Variants in GPC6 observed in about 807,000 individuals in gnomAD.
The protein encoded by GPC6 is glypican 6.
In GPC6, 14 loss-of-function variants were observed where a neutral mutation model predicts 55.2. That is an observed-to-expected ratio of 0.25 (90% CI 0.17 to 0.40). The LOEUF is 0.40. Among genes scored for constraint, GPC6 ranks in the 10% least tolerant of loss-of-function variants. The pLI is 1.00. For missense variants in GPC6, 641 were observed against 708.5 expected (o/e 0.90, Z 1.08); for synonymous variants, 278 against 259.6 (o/e 1.07, Z -0.68).
At chr13:93,460,743 T>C (rs1878648334) in intron 1 of GPC6, among the ~76,000 whole-genome samples, 1 of 152,182 alleles carries the variant, frequency 6.6e-6, no homozygotes, top group Non-Finnish European at 1.5e-5. Flanking sequence ...AGTGGTTTTC[T>C]ATATTGATCA....
chr13:94,113,780 G>A (rs939751320), intron 4 of GPC6, among the ~76,000 whole-genome samples: 6 of 151,850 alleles, frequency 4.0e-5, no homozygotes, highest in African/African-American at 1.5e-4. Context: ...CAGCACTTTG[G>A]GAGCCTGAGG....
chr13:93,543,037 C>T (rs908262129), intron 1 of GPC6, among the ~76,000 whole-genome samples: 21 of 152,110 alleles, frequency 1.4e-4, no homozygotes, highest in Non-Finnish European at 2.4e-4. Context: ...GCCTGATCAC[C>T]GTGGCCAGAA....
Position 94,306,143 on chromosome 13 carries a change from T to C in GPC6, c.1152+20T>C. On this transcript the variant is annotated intron_variant, in intron 6 of 8. Coordinates refer to ENST00000377047, the MANE Select transcript of GPC6 (RefSeq NM_005708.5). ...CGGCTGGTGAGTATTCACAGATTGA[T>C]AACCATGGCGGATGCTTTGTTTTAC... 2 of 1,613,920 alleles carry C rather than the reference T, an allele frequency of 1.2e-6. No individual in the cohort carries two copies. Among genetic ancestry groups the C allele is most frequent in the East Asian group, 2.2e-5 (1 of 44,886 alleles).
At chr13:94,224,156 T>C (rs2139004823) in intron 4 of GPC6, among the ~76,000 whole-genome samples, 2 of 151,932 alleles carry the variant, frequency 1.3e-5, no homozygotes. Context: ...AACATGTGTG[T>C]TAGATAAGCT....
At chr13:94,271,583 C>T (rs932107401) in intron 4 of GPC6, among the ~76,000 whole-genome samples, 2 of 152,104 alleles carry the variant, frequency 1.3e-5, no homozygotes, top group African/African-American at 4.8e-5. Flanking sequence ...TTTCCCCAAC[C>T]ATTAAAGAGG....
intron 4 of GPC6, among the ~76,000 whole-genome samples, chr13:94,170,397 G>A (rs1056858650): frequency 6.6e-6 from 1 of 152,174 alleles, no homozygotes; most frequent in Admixed American, 6.5e-5. Flanking sequence ...GTGCCAGAGG[G>A]ACTGAGCTGG....
At chr13:93,233,460 T>G (rs1876130377) in intron 1 of GPC6, among the ~76,000 whole-genome samples, 1 of 152,166 alleles carries the variant, frequency 6.6e-6, no homozygotes, top group Admixed American at 6.5e-5. Flanking sequence ...CAATGAGTAT[T>G]TATTGTATAC....
chr13:93,381,276 GCTC>G lies in GPC6; in HGVS notation c.160+153661_160+153663del, dbSNP rs1403750302. Among the ~76,000 whole-genome samples the G allele has an allele frequency of 3.3e-5, 5 of 152,106 alleles. No homozygotes were observed. The East Asian group carries it at 9.7e-4, about 29-fold the overall frequency. The stretch of plus-strand genomic sequence containing the variant: ...ATTTTCTCTACACAGTGGACATTGT[GCTC>G]TTACTCAGAACTGATAGTGTCATTG... On this transcript the variant is annotated intron_variant, in intron 1 of 8. Coordinates refer to ENST00000377047, the MANE Select transcript of GPC6 (RefSeq NM_005708.5).
chr13:93,555,104 G>A (rs1008394587), intron 2 of GPC6, among the ~76,000 whole-genome samples: 1 of 152,172 alleles, frequency 6.6e-6, no homozygotes, highest in African/African-American at 2.4e-5. Context: ...CACGTATTTT[G>A]TTTTATTTTT....
chr13:94,213,158 AAAACAAAC>A (rs965484522), intron 4 of GPC6, among the ~76,000 whole-genome samples: 2 of 152,304 alleles, frequency 1.3e-5, no homozygotes, highest in East Asian at 1.9e-4. Context: ...TGTGTCTCAA[AAAACAAAC>A]AAACAAACAA....
At chr13:93,483,791 C>A (rs965006194) in intron 1 of GPC6, among the ~76,000 whole-genome samples, 1 of 152,048 alleles carries the variant, frequency 6.6e-6, no homozygotes, top group Non-Finnish European at 1.5e-5. Context: ...GTGCTATTAG[C>A]CCACAGAGTG....
intron 1 of GPC6, among the ~76,000 whole-genome samples, chr13:93,312,163 T>C (rs1323997): frequency 0.3 from 44,859 of 151,976 alleles, 7,668 homozygotes; most frequent in African/African-American, 0.48. Context: ...TTATTCCAGG[T>C]CTTTGGAAAA....
chr13:93,436,984 T>G (rs547718911), intron 1 of GPC6, among the ~76,000 whole-genome samples: 1 of 152,230 alleles, frequency 6.6e-6, no homozygotes, highest in African/African-American at 2.4e-5. Context: ...ATGATTAATT[T>G]GTGTCTCTGT....
chr13:94,340,992 C>T (rs756890425), intron 6 of GPC6, among the ~76,000 whole-genome samples: 14 of 152,204 alleles, frequency 9.2e-5, no homozygotes, highest in Non-Finnish European at 1.6e-4. Context: ...GTAACACTGG[C>T]ATTATCTTCT....
chr13:93,996,773 TG>T (rs1376753310), intron 3 of GPC6, among the ~76,000 whole-genome samples: 2 of 152,196 alleles, frequency 1.3e-5, no homozygotes, highest in Admixed American at 1.3e-4. Context: ...CTTTTGCTCT[TG>T]AAATTGCATT....
chr13:94,146,353 T>C (rs1278468778), intron 4 of GPC6, among the ~76,000 whole-genome samples: 1 of 152,142 alleles, frequency 6.6e-6, no homozygotes, highest in Non-Finnish European at 1.5e-5. Flanking sequence ...GACACAGTTG[T>C]AATTTACTAT....
At chr13:93,777,584 A>G (rs924895703) in intron 2 of GPC6, among the ~76,000 whole-genome samples, 2 of 152,198 alleles carry the variant, frequency 1.3e-5, no homozygotes, top group Non-Finnish European at 1.5e-5. Flanking sequence ...TATGCCAAAA[A>G]GTAGAATCGG....
At chr13:93,771,173 C>A (rs1450078673) in intron 2 of GPC6, among the ~76,000 whole-genome samples, 1 of 152,108 alleles carries the variant, frequency 6.6e-6, no homozygotes, top group African/African-American at 2.4e-5. Context: ...TTGTTTCAGC[C>A]ACTTTGATAG....
intron 2 of GPC6, among the ~76,000 whole-genome samples, chr13:93,607,326 T>C (rs1337202625): frequency 1.3e-5 from 2 of 152,220 alleles, no homozygotes; most frequent in South Asian, 2.1e-4. Flanking sequence ...AAATTATTCA[T>C]ATGCCAGCTG....
Sources: gnomAD v4.1 joint callset for allele counts (sites outside exome capture counted in the v4.1 genomes callset) on GRCh38, gnomAD v4.1.1 for gene constraint, MANE v1.5 for transcripts, NCBI Gene and HGNC (gene_info 2026-07-23, HGNC 2026-07-21) for gene names.